The following CSMD1 variants were observed in gnomAD, a reference collection of about 807,000 sequenced individuals.
CSMD1 encodes CUB and sushi domain-containing protein 1.
CSMD1 carries 213 observed loss-of-function variants against 417.5 expected under a neutral mutation model. The ratio of observed to expected loss-of-function variants is 0.51; its 90% CI spans 0.46 to 0.57. The LOEUF is 0.57. CSMD1 is among the 20% of genes least tolerant of loss of function. The pLI is 0.00. For synonymous variants in CSMD1, 2,862 were observed against 1,736.8 expected, an observed-to-expected ratio of 1.65 and a Z score of -16.11; for missense variants, 6,923 against 4,529.7, an observed-to-expected ratio of 1.53 and a Z score of -15.17.
intron 58 of CSMD1, among the ~76,000 whole-genome samples, chr8:2,966,266 A>G (rs1803945742): frequency 1.3e-5 from 2 of 152,186 alleles, no homozygotes; most frequent in Non-Finnish European, 2.9e-5. Context: ...AGAGAACCAA[A>G]GACATTTCTT....
rs565488967 is a variant in CSMD1, at chr8:4,422,061, A to T, written c.303-1996T>A. Among the ~76,000 whole-genome samples, 9 of 152,224 alleles carry T rather than the reference A, an allele frequency of 5.9e-5. No homozygotes were observed. The South Asian group carries it at 1.9e-3, about 32-fold the overall frequency. On this transcript the variant is annotated intron_variant, in intron 2 of 69. Transcript: ENST00000635120. ...GCAACTAAGACAATATGGGTCACTA[A>T]CTCAAACAAATGAACTATTACAACT...
In CSMD1 at chr8:4,637,507, G is replaced by A. The variant is rs1471998478; in HGVS notation, c.137C>T (p.Pro46Leu). 2 of 1,613,628 alleles carry A rather than the reference G, an allele frequency of 1.2e-6. No homozygotes were observed. The highest frequency in any genetic ancestry group is 1.3e-5 in the African/African-American group (1 of 74,848). ...GTTCGGATACCCGTGAGGAAACCCT[G>A]GGCTCTCAATAGTGCCATTGGGACC... is the stretch of plus-strand genomic sequence containing the variant. ...VQGPNGTIES[P>L]GFPHGYPNYA... Residue 46 changes from proline (P) to leucine (L), a missense_variant, in exon 2 of 70, where the codon CCA (proline) becomes CTA (leucine). Physicochemically the swap from Pro to Leu is moderately conservative, Grantham distance 98. Coordinates refer to ENST00000635120, the MANE Select transcript of CSMD1 (RefSeq NM_033225.6).
intron 2 of CSMD1, among the ~76,000 whole-genome samples, chr8:4,620,288 A>T (rs1801697365): frequency 6.6e-6 from 1 of 151,634 alleles, no homozygotes; most frequent in Non-Finnish European, 1.5e-5. Context: ...CTCCTGTAAG[A>T]AATATACATG....
chr8:3,538,031 C>T (rs1324859759), intron 10 of CSMD1, among the ~76,000 whole-genome samples: 1 of 152,120 alleles, frequency 6.6e-6, no homozygotes, highest in Admixed American at 6.5e-5. Flanking sequence ...TGTGGTAAAC[C>T]CTTTTATGCT....
chr8:4,992,640 C>T (rs1584961129), intron 1 of CSMD1, among the ~76,000 whole-genome samples: 1 of 152,228 alleles, frequency 6.6e-6, no homozygotes, highest in East Asian at 1.9e-4. Flanking sequence ...CCCTCTTTTC[C>T]CTAGACTTTA....
intron 1 of CSMD1, among the ~76,000 whole-genome samples, chr8:4,984,133 T>C (rs1475018424): frequency 6.6e-6 from 1 of 152,216 alleles, no homozygotes; most frequent in Non-Finnish European, 1.5e-5. Flanking sequence ...AAAACTGCTT[T>C]TCTTTCCACA....
chr8:4,261,389 G>A lies in CSMD1; in HGVS notation c.415+158564C>T, dbSNP rs904927705. ...CAGAAATAGAGATTAGAATCAGAAT[G>A]GTAGTTGCCAGGGGCTGGGGAGAGG... On this transcript the variant is annotated intron_variant, in intron 3 of 69. Transcript: ENST00000635120. Among the ~76,000 whole-genome samples, 6 of 152,270 alleles carry A rather than the reference G, an allele frequency of 3.9e-5. No individual in the cohort carries two copies. The East Asian group carries it at 5.8e-4, about 15-fold the overall frequency.
chr8:3,294,033 T>C (rs1359781598), intron 25 of CSMD1, among the ~76,000 whole-genome samples: 4 of 152,212 alleles, frequency 2.6e-5, no homozygotes, highest in Non-Finnish European at 5.9e-5. Context: ...TTTGTTAGTT[T>C]TCCTTCTAAC....
intron 7 of CSMD1, among the ~76,000 whole-genome samples, chr8:3,689,827 C>G (rs376191436): frequency 3.3e-5 from 5 of 152,194 alleles, no homozygotes; most frequent in East Asian, 3.9e-4. Context: ...TGATTCCAAA[C>G]TACTGGGCTC....
At chr8:3,666,991 G>C (rs1041399553) in intron 7 of CSMD1, among the ~76,000 whole-genome samples, 40 of 152,150 alleles carry the variant, frequency 2.6e-4, no homozygotes, top group African/African-American at 9.7e-4. Flanking sequence ...AATTTTAGCA[G>C]AAAGATAACT....
chr8:3,939,454 A>C (rs531308906), intron 5 of CSMD1, among the ~76,000 whole-genome samples: 2 of 152,294 alleles, frequency 1.3e-5, no homozygotes, highest in African/African-American at 4.8e-5. Context: ...CAGTACGGAG[A>C]TTCCTTAAAG....
intron 6 of CSMD1, among the ~76,000 whole-genome samples, chr8:3,712,509 G>A (rs1278313534): frequency 1.3e-5 from 2 of 152,084 alleles, no homozygotes; most frequent in Non-Finnish European, 2.9e-5. Context: ...GCAAATCCCT[G>A]CAATAGCCTC....
intron 3 of CSMD1, among the ~76,000 whole-genome samples, chr8:4,208,002 T>TA (rs1208923398): frequency 3.9e-5 from 6 of 152,118 alleles, no homozygotes; most frequent in African/African-American, 1.4e-4. Context: ...GAGAAAAGTT[T>TA]AAAACCTAAA....
intron 4 of CSMD1, among the ~76,000 whole-genome samples, chr8:4,022,666 T>C (rs1222187546): frequency 6.6e-6 from 1 of 152,084 alleles, no homozygotes; most frequent in East Asian, 1.9e-4. Context: ...GAGAGAAATG[T>C]GGTAGATTTG....
chr8:3,254,011 A>T (rs562365327), intron 26 of CSMD1, among the ~76,000 whole-genome samples: 1 of 152,214 alleles, frequency 6.6e-6, no homozygotes, highest in African/African-American at 2.4e-5. Flanking sequence ...AGTGGCTGGT[A>T]CTAGTTGTTC....
chr8:4,240,361 T>G (rs1008109649), intron 3 of CSMD1, among the ~76,000 whole-genome samples: 1 of 152,204 alleles, frequency 6.6e-6, no homozygotes, highest in African/African-American at 2.4e-5. Flanking sequence ...ACTCCTGCAT[T>G]CTGGCTATGC....
At chr8:3,999,138 CCTTT>C (rs1262850561) in intron 4 of CSMD1, among the ~76,000 whole-genome samples, 5 of 151,648 alleles carry the variant, frequency 3.3e-5, no homozygotes, top group Admixed American at 6.6e-5. Context: ...TTCCTTCCCT[CCTTT>C]CTTTCTTCCT....
At chr8:3,904,544 T>G (rs965831961) in intron 5 of CSMD1, among the ~76,000 whole-genome samples, 6 of 152,208 alleles carry the variant, frequency 3.9e-5, no homozygotes, top group African/African-American at 1.4e-4. Flanking sequence ...ACCAAAGCTG[T>G]TGTATGTGAA....
At chr8:3,645,700 T>A (rs1234000964) in intron 7 of CSMD1, among the ~76,000 whole-genome samples, 1 of 152,172 alleles carries the variant, frequency 6.6e-6, no homozygotes, top group African/African-American at 2.4e-5. Flanking sequence ...GAAAGAACTT[T>A]ACTTGGCTCT....
Sources: gnomAD v4.1 joint callset for allele counts (sites outside exome capture counted in the v4.1 genomes callset) on GRCh38, gnomAD v4.1.1 for gene constraint, MANE v1.5 for transcripts, NCBI Gene and HGNC (gene_info 2026-07-23, HGNC 2026-07-21) for gene names.